BAZ2B: variants seen among roughly 807,000 people sequenced by gnomAD.
The protein encoded by BAZ2B is bromodomain adjacent to zinc finger domain protein 2B.
In BAZ2B, 91 loss-of-function variants were observed where a neutral mutation model predicts 246.0. That is an observed-to-expected ratio of 0.37 (90% CI 0.31 to 0.44). BAZ2B has a LOEUF of 0.44. BAZ2B is among the 20% of genes least tolerant of loss of function. BAZ2B has a pLI of 1.00. For missense variants in BAZ2B, 2,332 were observed against 2,533.7 expected (o/e 0.92, Z 1.71); for synonymous variants, 855 against 860.0 (o/e 0.99, Z 0.10).
At chr2:159,325,032 TTATATATATATTATA>T (rs2063264807) in intron 35 of BAZ2B, 78 bp from the exon 36 acceptor site, 1 of 46,444 alleles carries the variant, frequency 2.2e-5, no homozygotes, top group African/African-American at 1.5e-4. Context: ...CTTTCAGTTA[TTATATATATATTATA>T]TATATATATA....
intron 2 of BAZ2B, among the ~76,000 whole-genome samples, chr2:159,533,511 T>A (rs2085591967): frequency 6.6e-6 from 1 of 152,190 alleles, no homozygotes; most frequent in Non-Finnish European, 1.5e-5. Flanking sequence ...ATTATCTTAA[T>A]TTCCCCACAA....
At chr2:159,333,202 A>G (rs908108972) in intron 33 of BAZ2B, among the ~76,000 whole-genome samples, 1 of 152,190 alleles carries the variant, frequency 6.6e-6, no homozygotes, top group African/African-American at 2.4e-5. Context: ...TAATTCATCT[A>G]TATATTGTGA....
chr2:159,493,221 C>T (rs1264182670), intron 2 of BAZ2B, among the ~76,000 whole-genome samples: 1 of 152,006 alleles, frequency 6.6e-6, no homozygotes, highest in Non-Finnish European at 1.5e-5. Flanking sequence ...AATAGGACAG[C>T]CATTAACCAC....
chr2:159,680,664 C>CA, the BAZ2B span, among the ~76,000 whole-genome samples: 1 of 152,178 alleles, frequency 6.6e-6, no homozygotes, highest in Non-Finnish European at 1.5e-5. Context: ...AATAAGGGAT[C>CA]AGAGACAGGC....
intron 2 of BAZ2B, among the ~76,000 whole-genome samples, chr2:159,510,997 C>T (rs1405958667): frequency 6.6e-6 from 1 of 151,992 alleles, no homozygotes; most frequent in East Asian, 1.9e-4. Context: ...CAAATCAAGA[C>T]TCATTTAATA....
intron 8 of BAZ2B, among the ~76,000 whole-genome samples, chr2:159,436,242 T>A (rs2072274339): frequency 6.6e-6 from 1 of 152,210 alleles, no homozygotes; most frequent in African/African-American, 2.4e-5. Flanking sequence ...TATTTTAATT[T>A]TCTGCAACTG....
rs187828398 is a variant in BAZ2B, at chr2:159,325,389, T to C, written c.6209+264A>G. ...CAGGTGACCCACCTGTCTTGACCTC[T>C]CAAAGTGCTGGGATTTCAGGTGTGA... On this transcript the variant is annotated intron_variant, in intron 35 of 36. Coordinates refer to ENST00000392783, the MANE Select transcript of BAZ2B (RefSeq NM_013450.4). Among the ~76,000 whole-genome samples, 692 of 151,288 alleles carry C rather than the reference T, an allele frequency of 4.6e-3. 3 individuals carry two copies. Among genetic ancestry groups the C allele is most frequent in the African/African-American group, 0.016 (665 of 41,224 alleles).
chr2:159,688,057 T>C, the BAZ2B span, among the ~76,000 whole-genome samples: 1 of 152,342 alleles, frequency 6.6e-6, no homozygotes, highest in South Asian at 2.1e-4. Context: ...CTATTGTTTT[T>C]TAAGGCAGAG....
chr2:159,553,951 T>C (rs1362992866), intron 2 of BAZ2B, among the ~76,000 whole-genome samples: 1 of 152,090 alleles, frequency 6.6e-6, no homozygotes, highest in Non-Finnish European at 1.5e-5. Flanking sequence ...ACGGTAAACA[T>C]ATATTTGAAC....
At chr2:159,459,299 T>C (rs1332101014) in intron 3 of BAZ2B, 1 of 152,384 alleles carries the variant, frequency 6.6e-6, no homozygotes, top group South Asian at 2.1e-4. Context: ...TCATAATACC[T>C]GCTATAGGCA....
At chr2:159,603,619 T>C (rs1578854265) in intron 1 of BAZ2B, among the ~76,000 whole-genome samples, 2 of 151,962 alleles carry the variant, frequency 1.3e-5, no homozygotes, top group African/African-American at 4.8e-5. Flanking sequence ...AAAAAAATCA[T>C]CTTCCTATAT....
intron 1 of BAZ2B, among the ~76,000 whole-genome samples, chr2:159,568,478 T>C (rs912207999): frequency 2.0e-5 from 3 of 152,166 alleles, no homozygotes; most frequent in Non-Finnish European, 2.9e-5. Flanking sequence ...TGTACTTATA[T>C]GTAATTTAAC....
intron 8 of BAZ2B, chr2:159,433,601 A>G (rs1460768197): frequency 1.9e-5 from 7 of 367,654 alleles, no homozygotes; most frequent in Middle Eastern, 7.8e-4. Flanking sequence ...CCTTTTGACT[A>G]GCCTCCCCTC....
At chr2:159,453,513 C>A (rs946234057) in intron 4 of BAZ2B, 100 bp downstream of exon 4, 2 of 1,286,564 alleles carry the variant, frequency 1.6e-6, no homozygotes, top group South Asian at 4.0e-5. Context: ...TTAAATATAC[C>A]AGGCATTAGA....
At chr2:159,371,088 G>C (rs1353830989) in intron 27 of BAZ2B, among the ~76,000 whole-genome samples, 3 of 152,228 alleles carry the variant, frequency 2.0e-5, no homozygotes, top group Non-Finnish European at 4.4e-5. Flanking sequence ...GATTACAGGT[G>C]TGAGACACCG....
the BAZ2B span, among the ~76,000 whole-genome samples, chr2:159,709,119 A>G: frequency 6.7e-6 from 1 of 150,274 alleles, no homozygotes; most frequent in East Asian, 1.9e-4. Context: ...AGGAGTCCTC[A>G]TGACATTTTG....
chr2:159,340,187 G>A (rs1027650411), intron 31 of BAZ2B, among the ~76,000 whole-genome samples: 2 of 151,900 alleles, frequency 1.3e-5, no homozygotes, highest in African/African-American at 4.8e-5. Flanking sequence ...CTGAAGACAG[G>A]TCGTTTGAAG....
intron 1 of BAZ2B, among the ~76,000 whole-genome samples, chr2:159,562,765 C>T (rs1179716378): frequency 6.6e-6 from 1 of 152,138 alleles, no homozygotes; most frequent in Non-Finnish European, 1.5e-5. Flanking sequence ...TAAGTTAAAG[C>T]ACATTGCCTG....
chr2:159,411,967 TC>T, intron 14 of BAZ2B: 2 of 985,410 alleles, frequency 2.0e-6, no homozygotes, highest in Non-Finnish European at 2.4e-6. Context: ...TTGGAGTTAT[TC>T]CCATGTACCA....
Sources: gnomAD v4.1 joint callset for allele counts (sites outside exome capture counted in the v4.1 genomes callset) on GRCh38, gnomAD v4.1.1 for gene constraint, MANE v1.5 for transcripts, NCBI Gene and HGNC (gene_info 2026-07-23, HGNC 2026-07-21) for gene names.